WWOX: variants seen among roughly 807,000 people sequenced by gnomAD.
WWOX encodes WW domain-containing oxidoreductase.
WWOX carries 69 observed loss-of-function variants against 46.2 expected under a neutral mutation model. That is an observed-to-expected ratio of 1.49 (90% CI 1.23 to 1.82). The LOEUF (loss-of-function observed/expected upper bound fraction) is 1.82. Among genes scored for constraint, WWOX ranks in the 40% most tolerant of loss-of-function variants. The pLI is 0.00. For missense variants in WWOX, 919 were observed against 542.6 expected, an observed-to-expected ratio of 1.69 and a Z score of -6.89; for synonymous variants, 359 against 202.6, an observed-to-expected ratio of 1.77 and a Z score of -6.56.
At chr16:78,439,256 G>C (rs1443858582) in intron 8 of WWOX, among the ~76,000 whole-genome samples, 3 of 152,132 alleles carry the variant, frequency 2.0e-5, no homozygotes. Flanking sequence ...CCTGAGTGAG[G>C]TTTGAATTTT....
intron 8 of WWOX, among the ~76,000 whole-genome samples, chr16:78,547,127 GAAAAAAAAAAAAAAAAAA>G (rs199726097): frequency 6.9e-5 from 6 of 87,516 alleles, no homozygotes; most frequent in Admixed American, 2.3e-4. Flanking sequence ...CCTTGTCTCA[GAAAAAAAAAAAAAAAAAA>G]AAAAAAAAAA....
At chr16:79,096,189 C>T (rs1567547379) in intron 8 of WWOX, among the ~76,000 whole-genome samples, 1 of 151,892 alleles carries the variant, frequency 6.6e-6, no homozygotes, top group Non-Finnish European at 1.5e-5. Flanking sequence ...TTTTAAGGGC[C>T]TCCTGGCACC....
At chr16:78,176,521 T>A (rs553750913) in intron 5 of WWOX, among the ~76,000 whole-genome samples, 7 of 152,226 alleles carry the variant, frequency 4.6e-5, no homozygotes, top group Non-Finnish European at 1.0e-4. Context: ...CAATGCGTCC[T>A]GTAAACCGGG....
At chr16:78,229,978 C>A (rs574584780) in intron 5 of WWOX, among the ~76,000 whole-genome samples, 6 of 152,068 alleles carry the variant, frequency 3.9e-5, no homozygotes, top group Non-Finnish European at 8.8e-5. Context: ...CTCTGGGGCT[C>A]AAGCGATCCT....
intron 8 of WWOX, among the ~76,000 whole-genome samples, chr16:78,492,267 T>C (rs2084803238): frequency 6.6e-6 from 1 of 152,218 alleles, no homozygotes; most frequent in South Asian, 2.1e-4. Context: ...GAGACACTCA[T>C]TCCGAAGGCG....
intron 8 of WWOX, among the ~76,000 whole-genome samples, chr16:78,839,808 C>G (rs577871289): frequency 3.3e-5 from 5 of 152,278 alleles, no homozygotes; most frequent in African/African-American, 1.2e-4. Context: ...AACCCACCTC[C>G]TAAAACCGTC....
At chr16:78,224,375 C>T (rs1176112471) in intron 5 of WWOX, among the ~76,000 whole-genome samples, 1 of 150,422 alleles carries the variant, frequency 6.6e-6, no homozygotes, top group Admixed American at 6.6e-5. Context: ...TTCCTGATAA[C>T]ACACGTATAT....
At chr16:78,282,878 C>CA (rs60994323) in intron 5 of WWOX, among the ~76,000 whole-genome samples, 3,847 of 68,388 alleles carry the variant, frequency 0.056, 163 homozygotes, top group African/African-American at 0.15. Context: ...CACTCCATCT[C>CA]AAAAAAAAAA....
intron 8 of WWOX, among the ~76,000 whole-genome samples, chr16:78,786,505 A>T (rs1011019095): frequency 1.3e-5 from 2 of 152,200 alleles, no homozygotes; most frequent in African/African-American, 4.8e-5. Context: ...AGTATGATTT[A>T]TTTAATAGTA....
chr16:78,402,543 C>T (rs1051315312), intron 6 of WWOX, among the ~76,000 whole-genome samples: 6 of 152,088 alleles, frequency 3.9e-5, no homozygotes, highest in African/African-American at 9.7e-5. Flanking sequence ...GGCTTCAGCA[C>T]TTCCCCCAAG....
chr16:78,358,274 C>T (rs12925935), intron 5 of WWOX, among the ~76,000 whole-genome samples: 112,566 of 152,176 alleles, frequency 0.74, 43,076 homozygotes, highest in African/African-American at 0.84. Flanking sequence ...GTTATACACT[C>T]ACATACAAAA....
At chr16:78,847,977 C>T (rs2052344465) in intron 8 of WWOX, among the ~76,000 whole-genome samples, 1 of 152,120 alleles carries the variant, frequency 6.6e-6, no homozygotes, top group African/African-American at 2.4e-5. Context: ...ATGGTGGCCA[C>T]ATAAAGGGAG....
chr16:78,550,959 C>G (rs1426722565), intron 8 of WWOX: 1 of 152,070 alleles, frequency 6.6e-6, no homozygotes, highest in East Asian at 1.9e-4. Context: ...ATGACACTGT[C>G]TTTTGAAGAA....
intron 8 of WWOX, among the ~76,000 whole-genome samples, chr16:78,539,587 A>G (rs531909971): frequency 2.0e-5 from 3 of 152,354 alleles, no homozygotes; most frequent in Admixed American, 2.0e-4. Flanking sequence ...GCACACATGC[A>G]TTTTTAAGAA....
At chr16:78,385,280 A>C (rs1749036833) in intron 5 of WWOX, among the ~76,000 whole-genome samples, 1 of 152,122 alleles carries the variant, frequency 6.6e-6, no homozygotes, top group South Asian at 2.1e-4. Flanking sequence ...CCATCTGTCC[A>C]CTGTGCTGGA....
At chr16:78,948,186 C>T (rs899782757) in intron 8 of WWOX, among the ~76,000 whole-genome samples, 3 of 152,200 alleles carry the variant, frequency 2.0e-5, no homozygotes, top group South Asian at 2.1e-4. Context: ...TTTGTCAGGA[C>T]ATTTAGAAAT....
chr16:78,620,705 T>G (rs924679410), intron 8 of WWOX, among the ~76,000 whole-genome samples: 2 of 152,304 alleles, frequency 1.3e-5, no homozygotes, highest in African/African-American at 4.8e-5. Context: ...TTTTTTTCCT[T>G]TTTGCACAGC....
At chr16:78,817,942 T>G (rs997605229) in intron 8 of WWOX, among the ~76,000 whole-genome samples, 4 of 151,092 alleles carry the variant, frequency 2.6e-5, no homozygotes, top group East Asian at 3.9e-4. Context: ...AAGTTTGTTG[T>G]GAAGAACACG....
At chr16:78,862,110 A>G (rs1204200709) in intron 8 of WWOX, among the ~76,000 whole-genome samples, 1 of 152,030 alleles carries the variant, frequency 6.6e-6, no homozygotes, top group East Asian at 1.9e-4. Flanking sequence ...ATCTATACAC[A>G]CACCTATGGG....
Sources: gnomAD v4.1 joint callset for allele counts (sites outside exome capture counted in the v4.1 genomes callset) on GRCh38, gnomAD v4.1.1 for gene constraint, MANE v1.5 for transcripts, NCBI Gene and HGNC (gene_info 2026-07-23, HGNC 2026-07-21) for gene names.